Variants in MYRIP observed in about 807,000 individuals in gnomAD.
MYRIP encodes the protein rab effector MyRIP.
A neutral mutation model predicts 98.0 loss-of-function variants in MYRIP; 49 were observed. The ratio of observed to expected loss-of-function variants is 0.50; its 90% CI spans 0.40 to 0.63. MYRIP has a LOEUF of 0.63. Among genes scored for constraint, MYRIP ranks in the 30% least tolerant of loss-of-function variants. The probability of loss-of-function intolerance (pLI) is 0.00; values close to 1 mark genes in which losing one functional copy is unlikely to be tolerated. For synonymous variants in MYRIP, 404 were observed against 409.5 expected (o/e 0.99, Z 0.16); for missense variants, 1,004 against 1,058.2 (o/e 0.95, Z 0.71).
chr3:40,002,759 C>G (rs899795831), intron 2 of MYRIP, among the ~76,000 whole-genome samples: 13 of 152,006 alleles, frequency 8.6e-5, no homozygotes, highest in African/African-American at 3.1e-4. Flanking sequence ...ATATGATACA[C>G]ATATATGTAC....
At position 39,931,179 on chromosome 3, in the gene MYRIP, A is replaced by C. The variant is rs1213554336; in HGVS notation, c.110+30253A>C. On this transcript the variant is annotated intron_variant, in intron 2 of 16. Transcript: ENST00000302541. ...GTGATTTAATCCACAAACATGGGATATCTTTCCATTTATTTGCATCTTTAA... is the reference window on the plus strand; with the variant it reads ...GTGATTTAATCCACAAACATGGGATCTCTTTCCATTTATTTGCATCTTTAA... 4.6e-5 allele frequency among the ~76,000 whole-genome samples: 7 copies of C among 152,188 alleles called. No homozygotes were observed. The East Asian group carries it at 9.6e-4, about 21-fold the overall frequency.
intron 3 of MYRIP, among the ~76,000 whole-genome samples, chr3:40,047,473 C>T (rs1284503966): frequency 1.3e-5 from 2 of 152,190 alleles, no homozygotes; most frequent in Admixed American, 6.5e-5. Flanking sequence ...GAGTCTTCCA[C>T]ATTCAATGTG....
At chr3:40,016,859 C>T (rs925436239) in intron 2 of MYRIP, among the ~76,000 whole-genome samples, 2 of 152,198 alleles carry the variant, frequency 1.3e-5, no homozygotes, top group African/African-American at 4.8e-5. Flanking sequence ...ATGGCTCAGT[C>T]AGGTTTCCTG....
intron 2 of MYRIP, among the ~76,000 whole-genome samples, chr3:39,955,180 C>A (rs769050593): frequency 6.6e-6 from 1 of 152,092 alleles, no homozygotes; most frequent in African/African-American, 2.4e-5. Context: ...GAGAATGCCA[C>A]AAAGATACTC....
intron 3 of MYRIP, among the ~76,000 whole-genome samples, chr3:40,117,167 C>A (rs1949299729): frequency 6.6e-6 from 1 of 152,146 alleles, no homozygotes; most frequent in Admixed American, 6.5e-5. Flanking sequence ...TTTTGTAGCT[C>A]ACTGCACCAC....
At chr3:40,101,093 G>T (rs936012051) in intron 3 of MYRIP, among the ~76,000 whole-genome samples, 2 of 151,944 alleles carry the variant, frequency 1.3e-5, no homozygotes, top group African/African-American at 4.8e-5. Context: ...TAAATAATAT[G>T]CTTACCCTTT....
chr3:39,979,283 G>A lies in MYRIP; in HGVS notation c.111-64767G>A, dbSNP rs1464194715. 2.0e-5 allele frequency among the ~76,000 whole-genome samples: 3 copies of A among 152,098 alleles called. No individual in the cohort carries two copies. The South Asian group carries it at 6.2e-4, about 32-fold the overall frequency. Reference sequence around the variant, plus strand: ...ATATAGACATGTGCCACTATGCTTAGCTTTCAAACTATATTTTTAATGAGT... The same window carrying A: ...ATATAGACATGTGCCACTATGCTTAACTTTCAAACTATATTTTTAATGAGT... On this transcript the variant is annotated intron_variant, in intron 2 of 16. Coordinates refer to ENST00000302541, the MANE Select transcript of MYRIP (RefSeq NM_015460.4).
intron 1 of MYRIP, among the ~76,000 whole-genome samples, chr3:39,887,422 A>G (rs538309492): frequency 1.3e-5 from 2 of 152,310 alleles, no homozygotes; most frequent in East Asian, 1.9e-4. Flanking sequence ...GAAAGGATCA[A>G]CAAAATTGAT....
intron 3 of MYRIP, among the ~76,000 whole-genome samples, chr3:40,144,945 GT>G (rs1671883742): frequency 6.6e-6 from 1 of 152,166 alleles, no homozygotes; most frequent in African/African-American, 2.4e-5. Flanking sequence ...CTTTCTGCAT[GT>G]TGATTTATGC....
At chr3:39,943,211 T>C (rs978165688) in intron 2 of MYRIP, among the ~76,000 whole-genome samples, 6 of 152,182 alleles carry the variant, frequency 3.9e-5, no homozygotes, top group Admixed American at 3.3e-4. Context: ...TGAACCTAAG[T>C]GCTTTGATGG....
At chr3:40,036,120 A>T (rs1334905570) in intron 2 of MYRIP, among the ~76,000 whole-genome samples, 1 of 151,772 alleles carries the variant, frequency 6.6e-6, no homozygotes, top group African/African-American at 2.4e-5. Flanking sequence ...ATGAAGTTTT[A>T]AAAATGACGA....
At chr3:39,840,520 T>C (rs897511427) in intron 1 of MYRIP, among the ~76,000 whole-genome samples, 1 of 152,222 alleles carries the variant, frequency 6.6e-6, no homozygotes, top group African/African-American at 2.4e-5. Context: ...TATGATATTA[T>C]GCTAGCTGGT....
intron 1 of MYRIP, among the ~76,000 whole-genome samples, chr3:39,900,428 T>C (rs1030671057): frequency 3.3e-5 from 5 of 151,952 alleles, no homozygotes; most frequent in Admixed American, 6.5e-5. Flanking sequence ...TTACATATAA[T>C]ACTTAACATT....
At chr3:40,107,256 AG>A (rs1309007087) in intron 3 of MYRIP, among the ~76,000 whole-genome samples, 40 of 152,320 alleles carry the variant, frequency 2.6e-4, no homozygotes, top group African/African-American at 9.4e-4. Context: ...CCCTGTAAGT[AG>A]GGCCAGTTTC....
chr3:39,901,434 A>G (rs1943741057), intron 2 of MYRIP, among the ~76,000 whole-genome samples: 1 of 152,192 alleles, frequency 6.6e-6, no homozygotes, highest in Non-Finnish European at 1.5e-5. Flanking sequence ...TTTATAGAAG[A>G]GGAAACTGAA....
At chr3:40,178,139 C>A (rs114231577) in intron 8 of MYRIP, among the ~76,000 whole-genome samples, 3,277 of 152,194 alleles carry the variant, frequency 0.022, 24 homozygotes, top group Middle Eastern at 0.054. Flanking sequence ...TTACTGTGGG[C>A]TCTTTGAGAG....
intron 1 of MYRIP, among the ~76,000 whole-genome samples, chr3:39,866,329 CTAAAA>C (rs1942621873): frequency 6.6e-6 from 1 of 151,910 alleles, no homozygotes; most frequent in African/African-American, 2.4e-5. Context: ...ACCCCTGAAC[CTAAAA>C]TAAAAGTTAA....
chr3:39,843,681 G>C (rs1416557798), intron 1 of MYRIP, among the ~76,000 whole-genome samples: 1 of 152,188 alleles, frequency 6.6e-6, no homozygotes, highest in Non-Finnish European at 1.5e-5. Context: ...GGATAACAGT[G>C]CAAACAGGAG....
rs138711635 is a variant in MYRIP, at chr3:40,107,852, G to T, written c.333-43196G>T. ...CTAATGCCAAGGTAATGGGAGGTGA[G>T]TCTGAGGGAGAGACACAAATCACAG... On this transcript the variant is annotated intron_variant, in intron 3 of 16. Coordinates refer to ENST00000302541, the MANE Select transcript of MYRIP (RefSeq NM_015460.4). Among the ~76,000 whole-genome samples, 140 of 152,310 alleles carry T rather than the reference G, an allele frequency of 9.2e-4. 1 individual carries two copies. Among genetic ancestry groups the T allele is most frequent in the African/African-American group, 3.2e-3 (134 of 41,558 alleles).
Sources: gnomAD v4.1 joint callset for allele counts (sites outside exome capture counted in the v4.1 genomes callset) on GRCh38, gnomAD v4.1.1 for gene constraint, MANE v1.5 for transcripts, NCBI Gene and HGNC (gene_info 2026-07-23, HGNC 2026-07-21) for gene names.